ATF1: variants seen among roughly 807,000 people sequenced by gnomAD.
ATF1 encodes the protein cyclic AMP-dependent transcription factor ATF-1.
Under a neutral mutation model 34.7 loss-of-function variants are expected in ATF1, and 16 were observed. That is an observed-to-expected ratio of 0.46 (90% CI 0.31 to 0.70). The LOEUF is 0.70. Among genes scored for constraint, ATF1 ranks in the 30% least tolerant of loss-of-function variants. The pLI is 0.05. For synonymous variants in ATF1, 105 were observed against 113.1 expected, an observed-to-expected ratio of 0.93 and a Z score of 0.46; for missense variants, 255 against 321.6, an observed-to-expected ratio of 0.79 and a Z score of 1.58.
intron 2 of ATF1, among the ~76,000 whole-genome samples, chr12:50,781,642 G>A (rs1040153793): frequency 6.6e-6 from 1 of 151,902 alleles, no homozygotes; most frequent in African/African-American, 2.4e-5. Context: ...GGTAGAGACG[G>A]GGTTTCACCT....
At chr12:50,788,466 G>A (rs951132215) in intron 2 of ATF1, 14 of 239,810 alleles carry the variant, frequency 5.8e-5, no homozygotes, top group African/African-American at 2.4e-4. Flanking sequence ...GCTGGTATGC[G>A]TGAGCCACTG....
At chr12:50,767,474 C>T (rs1457661325) in intron 1 of ATF1, among the ~76,000 whole-genome samples, 3 of 152,154 alleles carry the variant, frequency 2.0e-5, no homozygotes, top group African/African-American at 7.2e-5. Flanking sequence ...GAGCCGAGAT[C>T]GTGCCACTGC....
intron 2 of ATF1, among the ~76,000 whole-genome samples, chr12:50,791,244 C>A (rs1247194106): frequency 6.6e-6 from 1 of 152,068 alleles, no homozygotes; most frequent in Non-Finnish European, 1.5e-5. Flanking sequence ...AGGAAAAGAA[C>A]TTTCAGTGAA....
chr12:50,795,499 C>G (rs1941391086), intron 2 of ATF1, among the ~76,000 whole-genome samples: 1 of 152,170 alleles, frequency 6.6e-6, no homozygotes, highest in Non-Finnish European at 1.5e-5. Context: ...TAATATTCGT[C>G]TCAATGTCAG....
At chr12:50,809,634 G>A (rs1941693601) in intron 4 of ATF1, 45 bp downstream of exon 4, 3 of 1,536,572 alleles carry the variant, frequency 2.0e-6, no homozygotes, top group Non-Finnish European at 2.7e-6. Flanking sequence ...CACAAAACCT[G>A]ACTTTTCTGT....
At chr12:50,807,807 T>G (rs931228415) in intron 3 of ATF1, among the ~76,000 whole-genome samples, 14 of 124,808 alleles carry the variant, frequency 1.1e-4, no homozygotes, top group African/African-American at 4.0e-4. Flanking sequence ...TGTGTGTTTT[T>G]TTTTTGTTTT....
At chr12:50,771,669 C>T (rs1940774459) in intron 1 of ATF1, among the ~76,000 whole-genome samples, 1 of 152,094 alleles carries the variant, frequency 6.6e-6, no homozygotes. Flanking sequence ...GAGGCTAAAA[C>T]CTACTGGCCT....
At chr12:50,803,359 G>A (rs139801333) in intron 3 of ATF1, among the ~76,000 whole-genome samples, 4 of 151,778 alleles carry the variant, frequency 2.6e-5, no homozygotes, top group East Asian at 1.9e-4. Flanking sequence ...AACATTTATC[G>A]TTAAGGGAAT....
At position 50,814,299 on chromosome 12, in the gene ATF1, A is replaced by C. The variant is rs1403494952; in HGVS notation, c.531A>C (p.Gln177His). ...VVVQTASGDMQTYQIRTTPSA... is the reference protein window; with the variant it reads ...VVVQTASGDMHTYQIRTTPSA... Reference sequence around the variant, plus strand: ...ATCTAGCTGCATCAGGAGATATGCAAACATATCAGATCCGAACTACACCTT... The same window carrying C: ...ATCTAGCTGCATCAGGAGATATGCACACATATCAGATCCGAACTACACCTT... Residue 177 changes from glutamine to histidine, a missense_variant, in exon 6 of 7, where the codon CAA becomes CAC. Gln to His is a conservative substitution (Grantham distance 24, BLOSUM62 0). Around this residue, in one of 2 missense-constraint regions of ATF1, gnomAD observed 221 missense variants for 250.7 expected, o/e 0.88. Coordinates refer to ENST00000262053, the MANE Select transcript of ATF1 (RefSeq NM_005171.5). 6.2e-7 allele frequency: 1 copy of C among 1,614,200 alleles called. No individual in the cohort carries two copies. Among genetic ancestry groups the C allele is most frequent in the South Asian group, 1.1e-5 (1 of 91,082 alleles).
Position 50,819,895 on chromosome 12 carries a change from C to A in ATF1, c.*116C>A. On this transcript the variant is annotated 3_prime_UTR_variant, in exon 7 of 7. Transcript: ENST00000262053. ...GCTTTTTATTTAGGCTTTTCCAAAT[C>A]AAGGATAAATATCTTACGCACGATA... is the stretch of plus-strand genomic sequence containing the variant. 1.1e-6 allele frequency: 1 copy of A among 937,076 alleles called. No homozygotes were observed. The highest frequency in any genetic ancestry group is 1.6e-6 in the Non-Finnish European group (1 of 643,182). 58.0% of individuals were successfully genotyped at this position (937,076 alleles called of 1,614,324 possible).
At chr12:50,771,641 A>T (rs1223022060) in intron 1 of ATF1, among the ~76,000 whole-genome samples, 1 of 152,170 alleles carries the variant, frequency 6.6e-6, no homozygotes, top group Non-Finnish European at 1.5e-5. Flanking sequence ...ACTCCATCTT[A>T]AACAGGCTGG....
chr12:50,816,853 T>C (rs545730315), intron 6 of ATF1, among the ~76,000 whole-genome samples: 68 of 152,300 alleles, frequency 4.5e-4, no homozygotes, highest in Admixed American at 9.2e-4. Context: ...AGCAAGACTC[T>C]TGTCTCAAAA....
At chr12:50,770,458 G>T (rs1475159035) in intron 1 of ATF1, among the ~76,000 whole-genome samples, 1 of 152,164 alleles carries the variant, frequency 6.6e-6, no homozygotes, top group African/African-American at 2.4e-5. Flanking sequence ...CAAAAGGAGA[G>T]AAATTTACCC....
chr12:50,816,497 T>G (rs573218452), intron 6 of ATF1, among the ~76,000 whole-genome samples: 1 of 152,210 alleles, frequency 6.6e-6, no homozygotes, highest in East Asian at 1.9e-4. Context: ...AATACTCAGG[T>G]GATGGACACC....
chr12:50,781,528 A>G (rs1463601737), intron 2 of ATF1, among the ~76,000 whole-genome samples: 3 of 151,824 alleles, frequency 2.0e-5, no homozygotes, highest in African/African-American at 4.8e-5. Flanking sequence ...TCGGGTCACT[A>G]CAACCTCCGC....
At chr12:50,793,811 A>AATAACAT (rs1941354819) in intron 2 of ATF1, among the ~76,000 whole-genome samples, 1 of 152,096 alleles carries the variant, frequency 6.6e-6, no homozygotes, top group African/African-American at 2.4e-5. Flanking sequence ...TTTTGAAGGA[A>AATAACAT]ATAACATATA....
chr12:50,764,489 C>T (rs966741945), intron 1 of ATF1, 182 bp downstream of exon 1: 3 of 152,008 alleles, frequency 2.0e-5, no homozygotes, highest in African/African-American at 7.2e-5. Flanking sequence ...CTCCGCGCCT[C>T]GGTGCAGAGC....
At chr12:50,811,415 A>G (rs79580799) in intron 4 of ATF1, among the ~76,000 whole-genome samples, 1 of 152,084 alleles carries the variant, frequency 6.6e-6, no homozygotes, top group Non-Finnish European at 1.5e-5. Context: ...TCCTTGACAT[A>G]TAGGACCTGG....
At chr12:50,796,085 A>C (rs1941403182) in intron 3 of ATF1, 76 bp downstream of exon 3, 3 of 1,243,596 alleles carry the variant, frequency 2.4e-6, no homozygotes, top group Non-Finnish European at 3.4e-6. Flanking sequence ...TGCAAAGTAC[A>C]CTAAAGAAGT....
Sources: allele counts gnomAD v4.1 joint callset (sites outside exome capture counted in the v4.1 genomes callset), GRCh38; gene constraint gnomAD v4.1.1; regional missense constraint gnomAD v4.1.1; transcripts MANE v1.5; gene names NCBI Gene and HGNC (gene_info 2026-07-23, HGNC 2026-07-21).